OPHN1: variants seen among roughly 807,000 people sequenced by gnomAD.
OPHN1 encodes the protein oligophrenin-1.
OPHN1 carries 11 observed loss-of-function variants against 60.7 expected under a neutral mutation model. That is an observed-to-expected ratio of 0.18 (90% CI 0.11 to 0.30). OPHN1 has a LOEUF of 0.30. Ranked by LOEUF, OPHN1 falls within the 10% of genes least tolerant of loss-of-function variation. The pLI is 1.00. For missense variants in OPHN1, 449 were observed against 611.0 expected (o/e 0.73, Z 2.80); for synonymous variants, 226 against 222.6 (o/e 1.02, Z -0.14).
At chrX:68,418,812 T>C (rs760974407) in intron 2 of OPHN1, among the ~76,000 whole-genome samples, 1 of 111,640 alleles carries the variant, frequency 9.0e-6, no homozygotes, top group African/African-American at 3.2e-5. Context: ...GTTGTAAAGA[T>C]CAAATCGAGA....
At chrX:68,125,930 A>AATATATATATATATAT (rs59058075) in intron 15 of OPHN1, among the ~76,000 whole-genome samples, 697 of 22,134 alleles carry the variant, frequency 0.031, 30 homozygotes, top group Non-Finnish European at 0.046. Flanking sequence ...ACCACTGATC[A>AATATATATATATATAT]ATATATATAT....
chrX:68,269,825 T>G lies in OPHN1; in HGVS notation c.384+4913A>C, dbSNP rs189965098. On this transcript the variant is annotated intron_variant, in intron 5 of 24. Transcript: ENST00000355520. ...CAACCTACAGAATGGGAGAAAAATT[T>G]TGCAGTCTACTCATCTGACAAAGGG... Among the ~76,000 whole-genome samples the G allele has an allele frequency of 4.8e-3, 536 of 111,791 alleles. 6 individuals carry two copies. The highest frequency in any genetic ancestry group is 0.017 in the African/African-American group (517 of 30,758).
At chrX:68,195,054 G>GGAAGGAAA (rs1673208601) in intron 12 of OPHN1, among the ~76,000 whole-genome samples, 1 of 101,623 alleles carries the variant, frequency 9.8e-6, no homozygotes, top group Admixed American at 1.0e-4. Context: ...AAGGAAGGAA[G>GGAAGGAAA]GAAGGAAGGA....
intron 2 of OPHN1, among the ~76,000 whole-genome samples, chrX:68,384,614 C>T (rs896731691): frequency 2.7e-5 from 3 of 109,980 alleles, no homozygotes; most frequent in East Asian, 2.9e-4. Context: ...CCCAGCTACT[C>T]GGAAGGCTGA....
At chrX:68,100,039 C>A (rs923047558) in intron 18 of OPHN1, among the ~76,000 whole-genome samples, 1 of 111,407 alleles carries the variant, frequency 9.0e-6, no homozygotes, top group Non-Finnish European at 1.9e-5. Flanking sequence ...TGTCTCTGGG[C>A]CTATCTTTTT....
chrX:68,406,482 G>A (rs2078744054), intron 2 of OPHN1, among the ~76,000 whole-genome samples: 1 of 109,761 alleles, frequency 9.1e-6, no homozygotes. Flanking sequence ...CATAGTGGCG[G>A]GCACCTGTAA....
intron 2 of OPHN1, among the ~76,000 whole-genome samples, chrX:68,405,802 T>C (rs1449709677): frequency 1.8e-5 from 2 of 111,707 alleles, no homozygotes; most frequent in Non-Finnish European, 3.8e-5. Context: ...AAATGTTTTC[T>C]AAACTTTTGG....
intron 18 of OPHN1, among the ~76,000 whole-genome samples, chrX:68,104,182 A>G (rs1314080627): frequency 8.9e-6 from 1 of 111,864 alleles, no homozygotes; most frequent in Non-Finnish European, 1.9e-5. Flanking sequence ...AACAAATGGA[A>G]AAACATTCCA....
At position 68,283,043 on chromosome X, in the gene OPHN1, G is replaced by A. The variant is rs374643845; in HGVS notation, c.312+13C>T. ...CCATGAACTCAGCTTCAGTGACAGC[G>A]TTAGTGACTTACCATCATCATCCTC... On this transcript the variant is annotated intron_variant, in intron 4 of 24. Coordinates refer to ENST00000355520, the MANE Select transcript of OPHN1 (RefSeq NM_002547.3). 1.4e-4 allele frequency: 167 copies of A among 1,191,968 alleles called. No homozygotes were observed. Among genetic ancestry groups the A allele is most frequent in the Non-Finnish European group, 1.7e-4 (148 of 878,743 alleles).
intron 6 of OPHN1, among the ~76,000 whole-genome samples, chrX:68,217,470 G>A (rs1318056917): frequency 8.9e-6 from 1 of 111,892 alleles, no homozygotes; most frequent in Non-Finnish European, 1.9e-5. Flanking sequence ...TTCATCTCTG[G>A]GGGCAGGGCA....
chrX:68,263,515 G>T (rs2077905150), intron 5 of OPHN1, among the ~76,000 whole-genome samples: 1 of 112,116 alleles, frequency 8.9e-6, no homozygotes, highest in South Asian at 3.7e-4. Flanking sequence ...AGTGATGAAA[G>T]AAAATTTTTT....
chrX:68,337,849 C>T (rs2078332058), intron 2 of OPHN1, among the ~76,000 whole-genome samples: 1 of 105,209 alleles, frequency 9.5e-6, no homozygotes, highest in Non-Finnish European at 1.9e-5. Flanking sequence ...TATAATGATA[C>T]GAGTCAATCC....
At chrX:68,203,530 T>C (rs1199810945) in intron 10 of OPHN1, among the ~76,000 whole-genome samples, 6 of 111,282 alleles carry the variant, frequency 5.4e-5, no homozygotes, top group African/African-American at 2.0e-4. Context: ...TACCCCTAAA[T>C]GTGGGATGTC....
rs551869747 is a variant in OPHN1 at position 68,231,341 on chromosome X, C to T, written c.486+3146G>A. Among the ~76,000 whole-genome samples, 36 of 112,006 alleles carry T rather than the reference C, an allele frequency of 3.2e-4. 2 individuals are homozygous for T. In the South Asian group the frequency reaches 9.4e-3, roughly 29 times the overall value. On this transcript the variant is annotated intron_variant, in intron 6 of 24. Coordinates refer to ENST00000355520, the MANE Select transcript of OPHN1 (RefSeq NM_002547.3). ...ATGTGGAGCAACCGGAGCTATCATT[C>T]ATTGTTCATGGAAATAAAAACTGCT...
At chrX:68,108,395 T>C (rs2147423851) in intron 18 of OPHN1, among the ~76,000 whole-genome samples, 1 of 112,371 alleles carries the variant, frequency 8.9e-6, no homozygotes, top group African/African-American at 3.2e-5. Flanking sequence ...TCGACACTGT[T>C]TCAGTGGATA....
chrX:68,069,110 C>A (rs2076923850), intron 20 of OPHN1, among the ~76,000 whole-genome samples: 1 of 111,810 alleles, frequency 8.9e-6, no homozygotes, highest in South Asian at 3.8e-4. Context: ...GACTGGGTAA[C>A]CTCATTGGAG....
chrX:68,113,900 CACA>C (rs1164366346), intron 16 of OPHN1, among the ~76,000 whole-genome samples: 46 of 102,994 alleles, frequency 4.5e-4, no homozygotes, highest in Non-Finnish European at 7.5e-4. Context: ...ACCAGCATGG[CACA>C]AGTATACATA....
chrX:68,140,257 T>C (rs1303949397), intron 15 of OPHN1, among the ~76,000 whole-genome samples: 1 of 111,570 alleles, frequency 9.0e-6, no homozygotes, highest in Non-Finnish European at 1.9e-5. Context: ...TTATGTAACA[T>C]GGAAACATTA....
chrX:68,217,331 A>G (rs1274527990), intron 6 of OPHN1, among the ~76,000 whole-genome samples: 1 of 111,737 alleles, frequency 8.9e-6, no homozygotes, highest in Non-Finnish European at 1.9e-5. Flanking sequence ...TCAAACTGCA[A>G]GGCGGCAGCG....
Sources: allele counts gnomAD v4.1 joint callset (sites outside exome capture counted in the v4.1 genomes callset), GRCh38; gene constraint gnomAD v4.1.1; transcripts MANE v1.5; gene names NCBI Gene and HGNC (gene_info 2026-07-23, HGNC 2026-07-21).